The following NTAQ1 variants were observed in gnomAD, a reference collection of about 807,000 sequenced individuals.
NTAQ1 encodes protein N-terminal glutamine amidohydrolase.
Under a neutral mutation model 28.2 loss-of-function variants are expected in NTAQ1, and 21 were observed. The ratio of observed to expected loss-of-function variants is 0.74; its 90% CI spans 0.53 to 1.07. The LOEUF (loss-of-function observed/expected upper bound fraction) is 1.07. NTAQ1 is among the 50% of genes least tolerant of loss of function. NTAQ1 has a pLI of 0.00. For synonymous variants in NTAQ1, 105 were observed against 90.0 expected (o/e 1.17, Z -0.94); for missense variants, 264 against 256.6 (o/e 1.03, Z -0.20).
In NTAQ1 at chr8:123,438,368, A is replaced by C. The variant is rs1363841940; in HGVS notation, c.508+1034A>C. The C allele has an allele frequency of 9.2e-6, 5 of 541,932 alleles. No individual in the cohort carries two copies. The African/African-American group carries it at 9.6e-5, about 10-fold the overall frequency. 33.6% of individuals were successfully genotyped at this position (541,932 alleles called of 1,614,324 possible). A position where few individuals can be genotyped will look rare whatever the true frequency, so the allele number is the denominator to read the frequency against. ...ATAGGGCAGTAGTGTTAGTACTTCA[A>C]CAAGGGTCTGAGCGTGGTGGCTTAT... On this transcript the variant is annotated intron_variant, in intron 5 of 5. Coordinates refer to ENST00000287387, the MANE Select transcript of NTAQ1 (RefSeq NM_018024.3).
chr8:123,418,778 G>A (rs1454208390), intron 1 of NTAQ1, among the ~76,000 whole-genome samples: 1 of 152,176 alleles, frequency 6.6e-6, no homozygotes, highest in African/African-American at 2.4e-5. Context: ...AATGGTAAGA[G>A]ATGACCACTC....
intron 3 of NTAQ1, among the ~76,000 whole-genome samples, chr8:123,434,423 TC>T (rs1398275532): frequency 6.6e-6 from 1 of 152,064 alleles, no homozygotes; most frequent in East Asian, 1.9e-4. Flanking sequence ...GGCCAGGAGT[TC>T]GAGACCAGCC....
chr8:123,431,337 C>A (rs1349818762), intron 3 of NTAQ1, among the ~76,000 whole-genome samples: 26 of 124,210 alleles, frequency 2.1e-4, no homozygotes, highest in Admixed American at 3.3e-4. Flanking sequence ...AACTCCATAT[C>A]AAAAAAAAAA....
At chr8:123,458,061 TAAAA>T (rs57057942) in intron 6 of NTAQ1, among the ~76,000 whole-genome samples, 3 of 112,082 alleles carry the variant, frequency 2.7e-5, no homozygotes, top group African/African-American at 1.0e-4. Flanking sequence ...AGATTTAAAA[TAAAA>T]AAAAAAAACA....
At chr8:123,450,599 C>T (rs1815461413), downstream of NTAQ1, among the ~76,000 whole-genome samples, 1 of 152,148 alleles carries the variant, frequency 6.6e-6, no homozygotes, top group Non-Finnish European at 1.5e-5. Flanking sequence ...TGAAGCAGGG[C>T]AAACACTCCT....
downstream of NTAQ1, among the ~76,000 whole-genome samples, chr8:123,445,153 C>T (rs1815222412): frequency 6.6e-6 from 1 of 152,020 alleles, no homozygotes; most frequent in South Asian, 2.1e-4. Context: ...CTTTGTCCTC[C>T]AATTTTCTGA....
rs775645617 is a variant in NTAQ1 at position 123,438,105 on chromosome 8, T to A, written c.508+771T>A. On this transcript the variant is annotated intron_variant, in intron 5 of 5. Coordinates refer to ENST00000287387, the MANE Select transcript of NTAQ1 (RefSeq NM_018024.3). ...AGGTGAGCGCTAGCAGGTTTTATTG[T>A]ACCACTTGTCTCATTTATGTGCTTT... 6 of 696,294 alleles carry A rather than the reference T, an allele frequency of 8.6e-6. No homozygotes were observed. In the South Asian group the frequency reaches 9.0e-5, roughly 10 times the overall value. The allele number at this position is 696,294 out of a possible 1,614,324, so 43.1% of individuals were successfully genotyped here.
intron 3 of NTAQ1, among the ~76,000 whole-genome samples, chr8:123,435,189 C>G (rs1814630428): frequency 6.6e-6 from 1 of 152,072 alleles, no homozygotes; most frequent in Admixed American, 6.6e-5. Context: ...TGCTCATGTC[C>G]CTTGATCACC....
At chr8:123,426,741 C>T (rs935243686) in intron 1 of NTAQ1, among the ~76,000 whole-genome samples, 10 of 152,010 alleles carry the variant, frequency 6.6e-5, no homozygotes, top group African/African-American at 7.2e-5. Context: ...AGGTGGATCA[C>T]TTGAGATCAA....
intron 6 of NTAQ1, among the ~76,000 whole-genome samples, chr8:123,453,568 A>G (rs192722801): frequency 1.2e-4 from 19 of 152,112 alleles, no homozygotes; most frequent in Non-Finnish European, 2.2e-4. Context: ...AGCTGGGACT[A>G]TAGACACCTG....
At chr8:123,438,109 A>G (rs1357308926) in intron 5 of NTAQ1, 5 of 697,466 alleles carry the variant, frequency 7.2e-6, no homozygotes, top group Admixed American at 2.0e-5. Context: ...TTATTGTACC[A>G]CTTGTCTCAT....
intron 5 of NTAQ1, among the ~76,000 whole-genome samples, chr8:123,439,762 T>G (rs1308649647): frequency 6.6e-6 from 1 of 151,932 alleles, no homozygotes; most frequent in Non-Finnish European, 1.5e-5. Flanking sequence ...AGTGCTGGGA[T>G]TACAGGGGTG....
intron 1 of NTAQ1, among the ~76,000 whole-genome samples, chr8:123,422,530 G>A (rs536841569): frequency 6.6e-6 from 1 of 151,280 alleles, no homozygotes; most frequent in East Asian, 1.9e-4. Flanking sequence ...TCCTGCCTGG[G>A]TTTCCCAAAG....
intron 1 of NTAQ1, among the ~76,000 whole-genome samples, chr8:123,418,907 G>A (rs1813483163): frequency 6.6e-6 from 1 of 152,134 alleles, no homozygotes; most frequent in Admixed American, 6.5e-5. Context: ...CTACCCACTA[G>A]ATACTGTTAG....
chr8:123,475,543 TTA>T, the NTAQ1 span, among the ~76,000 whole-genome samples: 5 of 152,330 alleles, frequency 3.3e-5, no homozygotes, highest in South Asian at 2.1e-4. Context: ...TATTATAAAA[TTA>T]TACATATGTT....
chr8:123,431,024 C>A (rs567557541), intron 3 of NTAQ1, among the ~76,000 whole-genome samples: 1 of 152,180 alleles, frequency 6.6e-6, no homozygotes, highest in South Asian at 2.1e-4. Context: ...TACATGTCAC[C>A]TTAACCCATT....
downstream of NTAQ1, among the ~76,000 whole-genome samples, chr8:123,443,865 G>A (rs964741473): frequency 4.6e-5 from 7 of 152,106 alleles, no homozygotes; most frequent in Non-Finnish European, 8.8e-5. Flanking sequence ...GAGCCACTGC[G>A]CCTGGCCTGC....
downstream of NTAQ1, among the ~76,000 whole-genome samples, chr8:123,449,899 C>CTCTCTCTCTCTCTCTCTCTCTCT (rs1563901878): frequency 9.5e-6 from 1 of 105,596 alleles, no homozygotes; most frequent in African/African-American, 3.6e-5. Flanking sequence ...CTCTATCTCT[C>CTCTCTCTCTCTCTCTCTCTCTCT]CATATGTATA....
downstream of NTAQ1, among the ~76,000 whole-genome samples, chr8:123,473,792 A>G (rs1208016774): frequency 1.3e-5 from 2 of 152,200 alleles, no homozygotes; most frequent in African/African-American, 4.8e-5. Flanking sequence ...GCCACTCACT[A>G]GAAATATCAT....
Sources: allele counts gnomAD v4.1 joint callset (sites outside exome capture counted in the v4.1 genomes callset), GRCh38; gene constraint gnomAD v4.1.1; transcripts MANE v1.5; gene names NCBI Gene and HGNC (gene_info 2026-07-23, HGNC 2026-07-21).